The following TBC1D26 variants were observed in gnomAD, a reference collection of about 807,000 sequenced individuals.
TBC1D26 encodes the protein TBC1 domain family member 26, also known as TBC1 domain family, member 26.
TBC1D26 carries 19 observed loss-of-function variants against 42.5 expected under a neutral mutation model. The ratio of observed to expected loss-of-function variants is 0.45; its 90% CI spans 0.31 to 0.66. The LOEUF is 0.66. Among genes scored for constraint, TBC1D26 ranks in the 30% least tolerant of loss-of-function variants. The pLI, the probability that TBC1D26 is intolerant of heterozygous loss-of-function variation, is 0.06. For missense variants in TBC1D26, 228 were observed against 332.6 expected, an observed-to-expected ratio of 0.69 and a Z score of 2.45; for synonymous variants, 97 against 123.5, an observed-to-expected ratio of 0.79 and a Z score of 1.42.
intron 7 of TBC1D26, 97 bp downstream of exon 7, chr17:15,738,484 A>G (rs3865266): frequency 2.0e-5 from 29 of 1,469,516 alleles, no homozygotes; most frequent in Admixed American, 9.3e-5. Flanking sequence ...CTGGGTTGGG[A>G]GTGGGGGCTG....
At chr17:15,734,540 GC>G (rs1240520718) in intron 1 of TBC1D26, among the ~76,000 whole-genome samples, 1 of 151,926 alleles carries the variant, frequency 6.6e-6, no homozygotes, top group African/African-American at 2.4e-5. Context: ...TGGTCAAAGA[GC>G]CTTGGGGACT....
intron 8 of TBC1D26, 26 bp from the exon 9 acceptor site, chr17:15,740,074 A>C (rs765308087): frequency 4.6e-5 from 73 of 1,602,790 alleles, no homozygotes; most frequent in Non-Finnish European, 6.0e-5. Context: ...ACACAAAAAA[A>C]AAACCCTCTT....
chr17:15,740,932 G>C, intron 9 of TBC1D26, 190 bp from the exon 10 acceptor site: 1 of 736,948 alleles, frequency 1.4e-6, no homozygotes, highest in Non-Finnish European at 2.2e-6. Context: ...CTTGTCAACT[G>C]AGTTGTGCGT....
Position 15,741,170 on chromosome 17 carries a change from CTG to C in TBC1D26, c.599_600del (p.Cys200SerfsTer55). On this transcript the variant is annotated frameshift_variant, in exon 10 of 15. Transcript: ENST00000437605. LOFTEE classifies it high-confidence loss of function. ...GAGCCGCATCACTGCCATCCTCCTC[CTG>C]TGTCTGCCAGAGGAAGATGCTTTCT... ...DLSRITAILL[L>X]CLPEEDAFWA... is the part of the protein sequence containing the mutation. 3 of 1,613,580 alleles carry C rather than the reference CTG, an allele frequency of 1.9e-6. No individual in the cohort carries two copies. The highest frequency in any genetic ancestry group is 2.5e-6 in the Non-Finnish European group (3 of 1,179,984).
intron 1 of TBC1D26, among the ~76,000 whole-genome samples, chr17:15,733,500 G>A (rs1967532116): frequency 1.3e-5 from 2 of 152,200 alleles, no homozygotes; most frequent in South Asian, 2.1e-4. Flanking sequence ...GGACTGCCCC[G>A]TGTGGGGAGT....
intron 4 of TBC1D26, among the ~76,000 whole-genome samples, chr17:15,737,193 GTGTCACC>G (rs1967638037): frequency 4.6e-5 from 7 of 152,086 alleles, no homozygotes; most frequent in Admixed American, 1.3e-4. Flanking sequence ...TCCACAGAGG[GTGTCACC>G]TCCAGCCCAG....
Position 15,738,262 on chromosome 17 carries a change from G to T in TBC1D26, c.280-18G>T, listed in dbSNP as rs374784665. The T allele has an allele frequency of 5.0e-6, 8 of 1,613,750 alleles. No homozygotes were observed. Among genetic ancestry groups the T allele is most frequent in the Non-Finnish European group, 6.8e-6 (8 of 1,179,868 alleles). ...TCGCCCCATGTCCTTTCTCACTGGA[G>T]TGTTCTTCTGTCTGTAGCTGTCTCA... On this transcript the variant is annotated intron_variant, in intron 6 of 14. Transcript: ENST00000437605.
intron 8 of TBC1D26, 111 bp from the exon 9 acceptor site, chr17:15,739,989 G>T (rs1170030179): frequency 9.6e-6 from 13 of 1,353,914 alleles, no homozygotes; most frequent in Non-Finnish European, 1.2e-5. Context: ...GCTTATTTGG[G>T]GGGATCATCT....
At chr17:15,741,080 C>T in intron 9 of TBC1D26, 42 bp from the exon 10 acceptor site, 1 of 1,602,086 alleles carries the variant, frequency 6.2e-7, no homozygotes, top group South Asian at 1.1e-5. Flanking sequence ...GGCCTCAGTC[C>T]TCCTAGGTGA....
In TBC1D26 at chr17:15,738,317, T is replaced by G; in HGVS notation, c.317T>G (p.Val106Gly). 6.2e-7 allele frequency: 1 copy of G among 1,613,678 alleles called. No homozygotes were observed. The highest frequency in any genetic ancestry group is 1.3e-5 in the African/African-American group (1 of 75,032). The change falls in exon 7 of 15, where the codon GTA becomes GGA. Residue 106 changes from valine to glycine, a missense_variant. Val to Gly is a moderately radical substitution (Grantham distance 109). Coordinates refer to ENST00000437605, the MANE Select transcript of TBC1D26 (RefSeq NM_001388465.1). ...GTATACAAAGTCATTCCCCTGGCGG[T>G]ACGGGGCCGGGCGTGGTCACTTTTG... is the stretch of plus-strand genomic sequence containing the variant. ...QRVYKVIPLAVRGRAWSLLLD... is the reference protein window; with the variant it reads ...QRVYKVIPLAGRGRAWSLLLD...
intron 9 of TBC1D26, 178 bp downstream of exon 9, chr17:15,740,326 A>G (rs1967744660): frequency 3.9e-6 from 6 of 1,555,756 alleles, no homozygotes; most frequent in East Asian, 2.3e-5. Flanking sequence ...CTGGTGTCAC[A>G]TGGACCCAAT....
chr17:15,738,406 C>G lies in TBC1D26; in HGVS notation c.387+19C>G. On this transcript the variant is annotated intron_variant, in intron 7 of 14. Transcript: ENST00000437605. ...ATATAAGGTAAGTCCCTCCCACACT[C>G]AGCTAGGAGTACAAACAAGCTAGAC... 1 of 1,611,222 alleles carries G rather than the reference C, an allele frequency of 6.2e-7. No individual in the cohort carries two copies. The highest frequency in any genetic ancestry group is 8.5e-7 in the Non-Finnish European group (1 of 1,178,110).
intron 4 of TBC1D26, among the ~76,000 whole-genome samples, chr17:15,737,278 A>T (rs1342107567): frequency 6.6e-6 from 1 of 152,242 alleles, no homozygotes; most frequent in African/African-American, 2.4e-5. Context: ...ACCCAGGGCC[A>T]GCTTTGAGCT....
chr17:15,733,468 C>T (rs1012791935), intron 1 of TBC1D26, among the ~76,000 whole-genome samples: 2 of 152,214 alleles, frequency 1.3e-5, no homozygotes, highest in Non-Finnish European at 2.9e-5. Flanking sequence ...CCTCTACCCC[C>T]TAGCCCCCAT....
intron 9 of TBC1D26, chr17:15,740,660 T>C (rs1967751958): frequency 9.2e-7 from 1 of 1,084,808 alleles, no homozygotes; most frequent in African/African-American, 1.6e-5. Context: ...GCTGCTGAGC[T>C]GACTGCATGA....
rs1346830766 is a variant in TBC1D26 at position 15,732,615 on chromosome 17, G to A, written c.-143+231G>A. ...AGGAGGTGACTGGCCAAGAGACCCA[G>A]ATGTGATCCTGGGCTGTGCTCTCAG... is the stretch of plus-strand genomic sequence containing the variant. On this transcript the variant is annotated intron_variant, in intron 1 of 14. Coordinates refer to ENST00000437605, the MANE Select transcript of TBC1D26 (RefSeq NM_001388465.1). 4.0e-5 allele frequency among the ~76,000 whole-genome samples: 6 copies of A among 151,836 alleles called. No individual in the cohort carries two copies. In the East Asian group the frequency reaches 1.2e-3, roughly 30 times the overall value.
intron 9 of TBC1D26, chr17:15,740,584 A>AG: frequency 2.7e-6 from 3 of 1,096,990 alleles, no homozygotes; most frequent in Non-Finnish European, 3.3e-6. Flanking sequence ...GCAGATAGGG[A>AG]GGGGGGTCAC....
intron 1 of TBC1D26, chr17:15,734,141 A>T (rs1266333278): frequency 1.3e-5 from 2 of 151,762 alleles, no homozygotes; most frequent in Non-Finnish European, 2.9e-5. Context: ...CCCAGATGTG[A>T]CCCGGGCCGT....
In TBC1D26 at chr17:15,741,953, C is replaced by T; in HGVS notation, c.658C>T (p.Pro220Ser). Residue 220 changes from proline (P) to serine (S), a missense_variant, in exon 11 of 15, where the codon CCA becomes TCA. Around this residue, in one of 5 missense-constraint regions of TBC1D26, gnomAD observed 130 missense variants for 168.5 expected, o/e 0.77. Coordinates refer to ENST00000437605, the MANE Select transcript of TBC1D26 (RefSeq NM_001388465.1). Reference sequence around the variant, plus strand: ...CGCGGGCTTCTCAGTATTCTACAGCCCAAATACTGCCTGGCTCGAGAGGCT... The same window carrying T: ...CGCGGGCTTCTCAGTATTCTACAGCTCAAATACTGCCTGGCTCGAGAGGCT... ...LTQLLAVFYS[P>S]NTAWLERLLS... 1.2e-6 allele frequency: 2 copies of T among 1,614,058 alleles called. No individual in the cohort carries two copies. The highest frequency in any genetic ancestry group is 1.7e-6 in the Non-Finnish European group (2 of 1,179,990).
Sources: allele counts gnomAD v4.1 joint callset (sites outside exome capture counted in the v4.1 genomes callset), GRCh38; gene constraint gnomAD v4.1.1; regional missense constraint gnomAD v4.1.1; transcripts MANE v1.5; gene names NCBI Gene and HGNC (gene_info 2026-07-23, HGNC 2026-07-21).